Variants in MICU2 observed in about 807,000 individuals in gnomAD.
MICU2 encodes calcium uptake protein 2, mitochondrial.
MICU2 carries 64 observed loss-of-function variants against 60.4 expected under a neutral mutation model. The ratio of observed to expected loss-of-function variants is 1.06; its 90% CI spans 0.87 to 1.31. The LOEUF (loss-of-function observed/expected upper bound fraction) is 1.31. Among genes scored for constraint, MICU2 ranks in the 50% most tolerant of loss-of-function variants. The pLI is 0.00. For missense variants in MICU2, 569 were observed against 531.0 expected, an observed-to-expected ratio of 1.07 and a Z score of -0.70; for synonymous variants, 201 against 175.0, an observed-to-expected ratio of 1.15 and a Z score of -1.17.
At chr13:21,514,682 G>T (rs186334892) in intron 6 of MICU2, among the ~76,000 whole-genome samples, 2 of 150,302 alleles carry the variant, frequency 1.3e-5, no homozygotes, top group Non-Finnish European at 3.0e-5. Flanking sequence ...ACAGGCGCCC[G>T]CCACCACTCC....
In MICU2 at chr13:21,567,030, C is replaced by T. The variant is rs372673347; in HGVS notation, c.211-86G>A. Reference sequence around the variant, plus strand: ...GACAATCTTTAAAAAGTAACTTTCACGCTTGGATCTGACAATCCCCAAACT... The same window carrying T: ...GACAATCTTTAAAAAGTAACTTTCATGCTTGGATCTGACAATCCCCAAACT... On this transcript the variant is annotated intron_variant, in intron 1 of 11. Coordinates refer to ENST00000382374, the MANE Select transcript of MICU2 (RefSeq NM_152726.3). The T allele has an allele frequency of 1.8e-4, 205 of 1,158,512 alleles. 1 individual carries two copies. In the South Asian group the frequency reaches 3.0e-3, roughly 17 times the overall value. 71.8% of individuals were successfully genotyped at this position (1,158,512 alleles called of 1,614,324 possible). A position where few individuals can be genotyped will look rare whatever the true frequency, so the allele number is the denominator to read the frequency against.
chr13:21,583,341 T>C (rs1477386651), intron 1 of MICU2, among the ~76,000 whole-genome samples: 26 of 152,180 alleles, frequency 1.7e-4, no homozygotes, highest in Non-Finnish European at 5.9e-5. Context: ...CAGTATTAAG[T>C]TTTTTAAAAA....
chr13:21,576,030 T>C (rs953409144), intron 1 of MICU2, among the ~76,000 whole-genome samples: 15 of 152,122 alleles, frequency 9.9e-5, no homozygotes, highest in African/African-American at 3.6e-4. Context: ...GGGGAAGGCA[T>C]AATAGAAGGT....
At chr13:21,602,492 G>A (rs992526487) in intron 1 of MICU2, among the ~76,000 whole-genome samples, 2 of 151,828 alleles carry the variant, frequency 1.3e-5, no homozygotes, top group Non-Finnish European at 2.9e-5. Context: ...ACTGCAGTCC[G>A]GCCTGGGCGA....
Position 21,592,600 on chromosome 13 carries a change from C to T in MICU2, c.210+11339G>A, listed in dbSNP as rs187529445. Among the ~76,000 whole-genome samples the T allele has an allele frequency of 3.0e-3, 463 of 152,254 alleles. 1 individual carries two copies. The highest frequency in any genetic ancestry group is 3.6e-3 in the Non-Finnish European group (247 of 68,014). On this transcript the variant is annotated intron_variant, in intron 1 of 11. Transcript: ENST00000382374. ...CCAATATCCCTGATGAACATTGATG[C>T]GAAAATCCTCAATAAAACACTGGCA...
At chr13:21,526,572 G>A (rs896538586) in intron 4 of MICU2, among the ~76,000 whole-genome samples, 2 of 151,956 alleles carry the variant, frequency 1.3e-5, no homozygotes, top group Admixed American at 6.6e-5. Flanking sequence ...AGATACCATA[G>A]AGAGATACGA....
chr13:21,538,691 C>T (rs190415175), intron 4 of MICU2, among the ~76,000 whole-genome samples: 87 of 151,684 alleles, frequency 5.7e-4, no homozygotes, highest in African/African-American at 2.1e-3. Flanking sequence ...ATGATTTGAA[C>T]TAAATGGGAG....
chr13:21,569,787 A>G (rs1888067046), intron 1 of MICU2, among the ~76,000 whole-genome samples: 1 of 151,600 alleles, frequency 6.6e-6, no homozygotes, highest in African/African-American at 2.4e-5. Context: ...TGCCCTTAAT[A>G]GTAGACACCA....
chr13:21,573,979 T>C (rs1365357916), intron 1 of MICU2, among the ~76,000 whole-genome samples: 2 of 152,216 alleles, frequency 1.3e-5, no homozygotes, highest in Non-Finnish European at 2.9e-5. Flanking sequence ...TAACCTTCAT[T>C]TGAGATTTCC....
chr13:21,588,841 G>A (rs1445256539), intron 1 of MICU2, among the ~76,000 whole-genome samples: 6 of 152,120 alleles, frequency 3.9e-5, no homozygotes, highest in East Asian at 1.9e-4. Context: ...TTAGAATCTC[G>A]CGGGGAATAC....
intron 1 of MICU2, among the ~76,000 whole-genome samples, chr13:21,585,016 G>C (rs1236232642): frequency 6.6e-6 from 1 of 152,172 alleles, no homozygotes; most frequent in East Asian, 1.9e-4. Context: ...GTTACAATTT[G>C]TTGTTCTTTC....
intron 1 of MICU2, among the ~76,000 whole-genome samples, chr13:21,595,307 G>A (rs1364302349): frequency 2.0e-5 from 3 of 152,198 alleles, no homozygotes; most frequent in Non-Finnish European, 4.4e-5. Context: ...GCATGGGAGT[G>A]ACACTGCAAG....
At position 21,493,229 on chromosome 13, in the gene MICU2, C is replaced by A; in HGVS notation, c.*20G>T. Reference sequence around the variant, plus strand: ...TTTGACATTTGGAACAATATAATTGCCATACTATTATATCTTTTATTAAAA... The same window carrying A: ...TTTGACATTTGGAACAATATAATTGACATACTATTATATCTTTTATTAAAA... On this transcript the variant is annotated 3_prime_UTR_variant, in exon 12 of 12. Coordinates refer to ENST00000382374, the MANE Select transcript of MICU2 (RefSeq NM_152726.3). The A allele has an allele frequency of 6.7e-7, 1 of 1,481,780 alleles. No individual in the cohort carries two copies. Among genetic ancestry groups the A allele is most frequent in the South Asian group, 1.2e-5 (1 of 82,336 alleles). The allele number at this position is 1,481,780 out of a possible 1,614,324, so 91.8% of individuals were successfully genotyped here. A position where few individuals can be genotyped will look rare whatever the true frequency, so the allele number is the denominator to read the frequency against.
At chr13:21,568,400 C>G (rs1888032842) in intron 1 of MICU2, among the ~76,000 whole-genome samples, 1 of 152,170 alleles carries the variant, frequency 6.6e-6, no homozygotes, top group African/African-American at 2.4e-5. Context: ...TCTGTACCCT[C>G]ACCTTCCCTA....
chr13:21,537,437 C>T (rs1887157421), intron 4 of MICU2, among the ~76,000 whole-genome samples: 1 of 151,736 alleles, frequency 6.6e-6, no homozygotes. Context: ...CCATAAAGCT[C>T]AGACCTACTA....
At chr13:21,561,055 G>A (rs1186425622) in intron 2 of MICU2, among the ~76,000 whole-genome samples, 1 of 152,144 alleles carries the variant, frequency 6.6e-6, no homozygotes, top group African/African-American at 2.4e-5. Flanking sequence ...TTTGACCCAT[G>A]TGTTATTTAA....
chr13:21,563,638 T>C (rs1379445425), intron 2 of MICU2, among the ~76,000 whole-genome samples: 2 of 152,134 alleles, frequency 1.3e-5, no homozygotes, highest in Non-Finnish European at 1.5e-5. Context: ...CTGGTGTTCC[T>C]GTTCCTTATA....
At chr13:21,496,827 G>A (rs1279460892) in intron 9 of MICU2, among the ~76,000 whole-genome samples, 3 of 151,650 alleles carry the variant, frequency 2.0e-5, no homozygotes, top group African/African-American at 7.3e-5. Flanking sequence ...AGGCGGAGGC[G>A]GGCGGATCAC....
rs574021382 is a variant in MICU2, at chr13:21,529,331, G to A, written c.467-6681C>T. Among the ~76,000 whole-genome samples the A allele has an allele frequency of 2.0e-5, 3 of 152,298 alleles. No homozygotes were observed. In the South Asian group the frequency reaches 6.2e-4, roughly 32 times the overall value. On this transcript the variant is annotated intron_variant, in intron 4 of 11. Transcript: ENST00000382374. ...GGAAGTGTTGGTTTAGGGGGAAGAC[G>A]ATGAGTGCAGTTTGGCATATTCTGA...
Sources: gnomAD v4.1 joint callset for allele counts (sites outside exome capture counted in the v4.1 genomes callset) on GRCh38, gnomAD v4.1.1 for gene constraint, MANE v1.5 for transcripts, NCBI Gene and HGNC (gene_info 2026-07-23, HGNC 2026-07-21) for gene names.